Variants in CD180 observed in about 807,000 individuals in gnomAD.
The protein encoded by CD180 is CD180 molecule, also known as CD180 antigen.
A neutral mutation model predicts 10.7 loss-of-function variants in CD180; 11 were observed. The observed-to-expected ratio is 1.03, with a 90% CI of 0.65 to 1.70. The LOEUF (loss-of-function observed/expected upper bound fraction) is 1.70, where lower values mean the gene tolerates loss of function less well. Among genes scored for constraint, CD180 ranks in the 40% most tolerant of loss-of-function variants. The pLI is 0.00. For synonymous variants in CD180, 286 were observed against 294.6 expected, an observed-to-expected ratio of 0.97 and a Z score of 0.30; for missense variants, 729 against 775.2, an observed-to-expected ratio of 0.94 and a Z score of 0.71.
At chr5:67,185,127 A>T (rs1742160460) in intron 2 of CD180, among the ~76,000 whole-genome samples, 1 of 146,044 alleles carries the variant, frequency 6.8e-6, no homozygotes, top group Non-Finnish European at 1.5e-5. Flanking sequence ...GTTGGATGAT[A>T]CTACGCACCA....
In CD180 at chr5:67,184,632, A is replaced by C. The variant is rs1742146873; in HGVS notation, c.258-47T>G. 7 of 1,465,456 alleles carry C rather than the reference A, an allele frequency of 4.8e-6. No homozygotes were observed. In the South Asian group the frequency reaches 9.0e-5, roughly 19 times the overall value. 90.8% of individuals were successfully genotyped at this position (1,465,456 alleles called of 1,614,324 possible). A position where few individuals can be genotyped will look rare whatever the true frequency, so the allele number is the denominator to read the frequency against. On this transcript the variant is annotated intron_variant, in intron 2 of 2. Transcript: ENST00000256447. ...AACAATAATTCATTTGAAAAAAGTA[A>C]AAAAATACTTTACAGTGACACACAT...
At chr5:67,184,694 A>G in intron 2 of CD180, 109 bp from the exon 3 acceptor site, 1 of 930,934 alleles carries the variant, frequency 1.1e-6, no homozygotes, top group Non-Finnish European at 1.6e-6. Flanking sequence ...AAAATCAAAT[A>G]TAAGAACTTT....
At chr5:67,185,447 C>T (rs914586497) in intron 2 of CD180, among the ~76,000 whole-genome samples, 2 of 152,152 alleles carry the variant, frequency 1.3e-5, no homozygotes, top group African/African-American at 4.8e-5. Context: ...AATAATGGAA[C>T]TCATTTTCCA....
At chr5:67,192,114 G>C (rs1484391773) in intron 1 of CD180, among the ~76,000 whole-genome samples, 1 of 152,172 alleles carries the variant, frequency 6.6e-6, no homozygotes, top group Non-Finnish European at 1.5e-5. Flanking sequence ...TTTGGGGCCG[G>C]GCACGGTGGC....
At position 67,183,041 on chromosome 5, in the gene CD180, C is replaced by A. The variant is rs369283882; in HGVS notation, c.1802G>T (p.Gly601Val). The change falls in exon 3 of 3, where the codon GGC becomes GTC. Residue 601 changes from glycine (G) to valine (V), a missense_variant. Transcript: ENST00000256447. ...WYKENLHKLE[G>V]SEETTCANPP... ...GTTTGCACACGTGGTCTCCTCCGAGCCTTCAAGTTTGTGCAGGTTTTCTTT... is the reference window on the plus strand; with the variant it reads ...GTTTGCACACGTGGTCTCCTCCGAGACTTCAAGTTTGTGCAGGTTTTCTTT... 9.9e-6 allele frequency: 16 copies of A among 1,613,622 alleles called. No homozygotes were observed. The highest frequency in any genetic ancestry group is 5.3e-5 in the African/African-American group (4 of 74,896).
chr5:67,192,707 C>T (rs954100123), intron 1 of CD180, among the ~76,000 whole-genome samples: 23 of 152,104 alleles, frequency 1.5e-4, no homozygotes, highest in African/African-American at 5.1e-4. Context: ...ACACGCCTCC[C>T]ACCAGGCCCT....
At chr5:67,192,066 A>G (rs556412730) in intron 1 of CD180, among the ~76,000 whole-genome samples, 45 of 152,328 alleles carry the variant, frequency 3.0e-4, no homozygotes, top group Non-Finnish European at 1.5e-5. Context: ...CTGAAAATAC[A>G]GGAAAAAAAT....
At position 67,182,663 on chromosome 5, in the gene CD180, C is replaced by T. The variant is rs980769431; in HGVS notation, c.*194G>A. 8 of 522,610 alleles carry T rather than the reference C, an allele frequency of 1.5e-5. No homozygotes were observed. The highest frequency in any genetic ancestry group is 6.4e-5 in the East Asian group (2 of 31,494). 32.4% of individuals were successfully genotyped at this position (522,610 alleles called of 1,614,324 possible). A position where few individuals can be genotyped will look rare whatever the true frequency, so the allele number is the denominator to read the frequency against. Reference sequence around the variant, plus strand: ...ATCTGACCCTCTGGACTGAGTCATTCGGTGTACTTGCCTAGAAGGTTCTTT... The same window carrying T: ...ATCTGACCCTCTGGACTGAGTCATTTGGTGTACTTGCCTAGAAGGTTCTTT... On this transcript the variant is annotated 3_prime_UTR_variant, in exon 3 of 3. Transcript: ENST00000256447.
In CD180 at chr5:67,183,671, T is replaced by C. The variant is rs780717813; in HGVS notation, c.1172A>G (p.Gln391Arg). 6 of 1,614,136 alleles carry C rather than the reference T, an allele frequency of 3.7e-6. No individual in the cohort carries two copies. Among genetic ancestry groups the C allele is most frequent in the Non-Finnish European group, 5.1e-6 (6 of 1,180,028 alleles). The change falls in exon 3 of 3, where the codon CAA (glutamine) becomes CGA (arginine). Residue 391 changes from glutamine to arginine, a missense_variant. By Grantham distance (43) the Gln-to-Arg change is conservative. Coordinates refer to ENST00000256447, the MANE Select transcript of CD180 (RefSeq NM_005582.3). Reference protein sequence around the residue: ...DIEASDCCSLQLKNLSHLQTL... With the variant: ...DIEASDCCSLRLKNLSHLQTL... ...TTGCAAGTGGGACAGGTTTTTGAGT[T>C]GCAGACTGCAGCAGTCAGAAGCCTC...
intron 1 of CD180, chr5:67,190,839 TAA>T: frequency 1.4e-6 from 1 of 722,346 alleles, no homozygotes; most frequent in Non-Finnish European, 1.7e-6. Context: ...GCTGTATATC[TAA>T]CTCCCTCTCA....
Position 67,180,376 on chromosome 5 carries a change from G to A in CD180, c.*2481C>T, listed in dbSNP as rs1015030278. 2 of 152,232 alleles carry A rather than the reference G, an allele frequency of 1.3e-5. No individual in the cohort carries two copies. Among genetic ancestry groups the A allele is most frequent in the Admixed American group, 1.3e-4 (2 of 15,274 alleles). 9.4% of individuals were successfully genotyped at this position (152,232 alleles called of 1,614,324 possible). On this transcript the variant is annotated 3_prime_UTR_variant, in exon 3 of 3. Transcript: ENST00000256447. Reference sequence around the variant, plus strand: ...TCCATCTGCAGCTTAAATCCCTAAGGCAAGAAAGAGCTTACCTGTGACAGA... The same window carrying A: ...TCCATCTGCAGCTTAAATCCCTAAGACAAGAAAGAGCTTACCTGTGACAGA...
intron 1 of CD180, among the ~76,000 whole-genome samples, chr5:67,195,491 A>G (rs1742383362): frequency 6.6e-6 from 1 of 152,258 alleles, no homozygotes; most frequent in Non-Finnish European, 1.5e-5. Flanking sequence ...TGCTGGGATT[A>G]TAGGCGTGAG....
chr5:67,196,429 A>G lies in CD180; in HGVS notation c.90+123T>C, dbSNP rs1307878400. 9.6e-6 allele frequency: 8 copies of G among 835,174 alleles called. No individual in the cohort carries two copies. In the African/African-American group the frequency reaches 1.4e-4, roughly 14 times the overall value. The allele number at this position is 835,174 out of a possible 1,614,324, so 51.7% of individuals were successfully genotyped here. ...TCACAATAATGAAAAAATTATATATACACCTTATTTCCTTTTTAAAGACAC... is the reference window on the plus strand; with the variant it reads ...TCACAATAATGAAAAAATTATATATGCACCTTATTTCCTTTTTAAAGACAC... On this transcript the variant is annotated intron_variant, in intron 1 of 2. Coordinates refer to ENST00000256447, the MANE Select transcript of CD180 (RefSeq NM_005582.3).
In CD180 at chr5:67,184,385, C is replaced by T; in HGVS notation, c.458G>A (p.Ser153Asn). ...IPVHNLENLESLYLGSNHISS... is the reference protein window; with the variant it reads ...IPVHNLENLENLYLGSNHISS... ...AATATGGTTGCTTCCAAGATACAAG[C>T]TTTCCAAGTTTTCCAGATTGTGCAC... Residue 153 changes from serine (S) to asparagine (N), a missense_variant, in exon 3 of 3, where the codon AGC becomes AAC. Transcript: ENST00000256447. The T allele has an allele frequency of 6.2e-7, 1 of 1,613,770 alleles. No individual in the cohort carries two copies. Among genetic ancestry groups the T allele is most frequent in the South Asian group, 1.1e-5 (1 of 91,082 alleles).
chr5:67,192,684 C>G (rs1300397511), intron 1 of CD180, among the ~76,000 whole-genome samples: 1 of 152,090 alleles, frequency 6.6e-6, no homozygotes, highest in African/African-American at 2.4e-5. Flanking sequence ...CAAGCTGTGA[C>G]GGAGCTGCCC....
chr5:67,187,998 C>T (rs1289973936), intron 1 of CD180, among the ~76,000 whole-genome samples: 5 of 152,020 alleles, frequency 3.3e-5, no homozygotes, highest in Non-Finnish European at 7.4e-5. Flanking sequence ...AGCGAAACCC[C>T]GTCTCTACTA....
Position 67,182,653 on chromosome 5 carries a change from C to A in CD180, c.*204G>T, listed in dbSNP as rs1428458080. ...TCACAGCAGCATCTGACCCTCTGGA[C>A]TGAGTCATTCGGTGTACTTGCCTAG... is the stretch of plus-strand genomic sequence containing the variant. On this transcript the variant is annotated 3_prime_UTR_variant, in exon 3 of 3. Coordinates refer to ENST00000256447, the MANE Select transcript of CD180 (RefSeq NM_005582.3). 8.0e-6 allele frequency: 4 copies of A among 499,330 alleles called. No individual in the cohort carries two copies. Among genetic ancestry groups the A allele is most frequent in the Non-Finnish European group, 1.4e-5 (4 of 281,488 alleles). 30.9% of individuals were successfully genotyped at this position (499,330 alleles called of 1,614,324 possible).
chr5:67,182,091 G>A lies in CD180; in HGVS notation c.*766C>T, dbSNP rs1281159670. 1 of 152,024 alleles carries A rather than the reference G, an allele frequency of 6.6e-6. No homozygotes were observed. Among genetic ancestry groups the A allele is most frequent in the East Asian group, 1.9e-4 (1 of 5,184 alleles). The allele number at this position is 152,024 out of a possible 1,614,324, so 9.4% of individuals were successfully genotyped here. On this transcript the variant is annotated 3_prime_UTR_variant, in exon 3 of 3. Transcript: ENST00000256447. Reference sequence around the variant, plus strand: ...GCAAGTTAGGATCTGTAACATAAGAGCCAGAACACCAGATAGGCAGAGAGA... The same window carrying A: ...GCAAGTTAGGATCTGTAACATAAGAACCAGAACACCAGATAGGCAGAGAGA...
In CD180 at chr5:67,183,634, C is replaced by G. The variant is rs1475326848; in HGVS notation, c.1209G>C (p.Leu403=). The G allele has an allele frequency of 6.2e-7, 1 of 1,614,116 alleles. No homozygotes were observed. The highest frequency in any genetic ancestry group is 1.1e-5 in the South Asian group (1 of 91,072). Residue 403 remains leucine, a synonymous_variant, in exon 3 of 3, where the codon CTG becomes CTC. Transcript: ENST00000256447. ...GGAGACCAAGAGGCTCATTGTGGCTCAGGTTTAAGGTTTGCAAGTGGGACA... is the reference window on the plus strand; with the variant it reads ...GGAGACCAAGAGGCTCATTGTGGCTGAGGTTTAAGGTTTGCAAGTGGGACA... ...KNLSHLQTLN[L]SHNEPLGLQS...
Sources: gnomAD v4.1 joint callset for allele counts (sites outside exome capture counted in the v4.1 genomes callset) on GRCh38, gnomAD v4.1.1 for gene constraint, MANE v1.5 for transcripts, NCBI Gene and HGNC (gene_info 2026-07-23, HGNC 2026-07-21) for gene names.